The following STAM2 variants were observed in gnomAD, a reference collection of about 807,000 sequenced individuals.
The protein encoded by STAM2 is signal transducing adapter molecule 2.
Under a neutral mutation model 65.6 loss-of-function variants are expected in STAM2, and 51 were observed. That is an observed-to-expected ratio of 0.78 (90% CI 0.62 to 0.98). STAM2 has a LOEUF of 0.98. Among genes scored for constraint, STAM2 ranks in the 50% least tolerant of loss-of-function variants. STAM2 has a pLI of 0.00. For missense variants in STAM2, 584 were observed against 617.8 expected, an observed-to-expected ratio of 0.95 and a Z score of 0.58; for synonymous variants, 198 against 208.4, an observed-to-expected ratio of 0.95 and a Z score of 0.43.
At chr2:152,152,216 C>T (rs935188255) in intron 1 of STAM2, among the ~76,000 whole-genome samples, 5 of 151,806 alleles carry the variant, frequency 3.3e-5, no homozygotes, top group African/African-American at 1.2e-4. Flanking sequence ...GCTGAGATTA[C>T]TAGTTTGAGC....
intron 1 of STAM2, among the ~76,000 whole-genome samples, chr2:152,174,110 G>C (rs185299672): frequency 2.6e-5 from 4 of 152,170 alleles, no homozygotes; most frequent in Non-Finnish European, 5.9e-5. Context: ...GAACAGAACA[G>C]ACAGAGCAAC....
intron 1 of STAM2, among the ~76,000 whole-genome samples, chr2:152,161,790 T>C (rs752364427): frequency 6.6e-6 from 1 of 152,166 alleles, no homozygotes; most frequent in Admixed American, 6.5e-5. Flanking sequence ...GCAATACACA[T>C]AGTTCTTAAA....
intron 1 of STAM2, among the ~76,000 whole-genome samples, chr2:152,158,303 C>G (rs1004737854): frequency 6.6e-6 from 1 of 151,960 alleles, no homozygotes; most frequent in African/African-American, 2.4e-5. Context: ...GGTGAAGCCC[C>G]GTTTCCACTA....
intron 1 of STAM2, among the ~76,000 whole-genome samples, chr2:152,172,573 GA>G: frequency 6.6e-6 from 1 of 152,204 alleles, no homozygotes; most frequent in East Asian, 1.9e-4. Flanking sequence ...TGCTATCAGA[GA>G]AGGGGGGGAG....
intron 1 of STAM2, among the ~76,000 whole-genome samples, chr2:152,164,871 A>G (rs1163936246): frequency 6.6e-6 from 1 of 152,140 alleles, no homozygotes; most frequent in African/African-American, 2.4e-5. Context: ...ATTTTAAACC[A>G]TCTATTAAAA....
intron 11 of STAM2, among the ~76,000 whole-genome samples, chr2:152,128,154 TC>T (rs1223233265): frequency 1.3e-5 from 2 of 152,184 alleles, no homozygotes; most frequent in East Asian, 3.8e-4. Context: ...ATGCCTGTAA[TC>T]CCAGCACTTT....
chr2:152,144,804 T>C (rs566457367), intron 6 of STAM2, 84 bp downstream of exon 6: 590 of 1,161,066 alleles, frequency 5.1e-4, no homozygotes, highest in Non-Finnish European at 6.5e-4. Flanking sequence ...CCCAAAGTGC[T>C]GGGATTACAG....
intron 6 of STAM2, 90 bp from the exon 7 acceptor site, chr2:152,144,103 T>A: frequency 9.2e-7 from 1 of 1,086,010 alleles, no homozygotes; most frequent in Non-Finnish European, 1.3e-6. Context: ...TAAGAATAAA[T>A]CAAGCATTTT....
intron 9 of STAM2, 37 bp from the exon 10 acceptor site, chr2:152,133,297 A>C (rs1158158959): frequency 9.0e-6 from 14 of 1,560,216 alleles, no homozygotes; most frequent in Non-Finnish European, 1.1e-5. Flanking sequence ...AAAACTCAAG[A>C]GTTTTAACTT....
chr2:152,157,406 ATTG>A (rs1689574212), intron 1 of STAM2, among the ~76,000 whole-genome samples: 3 of 152,180 alleles, frequency 2.0e-5, no homozygotes, highest in African/African-American at 4.8e-5. Context: ...TAAGGAAGTA[ATTG>A]TTGTTAAATG....
At position 152,118,088 on chromosome 2, in the gene STAM2, C is replaced by T. The variant is rs1035166637; in HGVS notation, c.*2486G>A. 6.6e-6 allele frequency: 1 copy of T among 152,038 alleles called. No individual in the cohort carries two copies. The highest frequency in any genetic ancestry group is 2.4e-5 in the African/African-American group (1 of 41,444). 9.4% of individuals were successfully genotyped at this position (152,038 alleles called of 1,614,324 possible). On this transcript the variant is annotated 3_prime_UTR_variant, in exon 14 of 14. Coordinates refer to ENST00000263904, the MANE Select transcript of STAM2 (RefSeq NM_005843.6). ...ATTCTATTATAAATTTTCAGGAATT[C>T]TTTCTGATGTACCAAGATTTCATAT...
chr2:152,118,287 C>T lies in STAM2; in HGVS notation c.*2287G>A, dbSNP rs1474630669. The T allele has an allele frequency of 6.6e-6, 1 of 151,886 alleles. No individual in the cohort carries two copies. Among genetic ancestry groups the T allele is most frequent in the African/African-American group, 2.4e-5 (1 of 41,382 alleles). 9.4% of individuals were successfully genotyped at this position (151,886 alleles called of 1,614,324 possible). On this transcript the variant is annotated 3_prime_UTR_variant, in exon 14 of 14. Coordinates refer to ENST00000263904, the MANE Select transcript of STAM2 (RefSeq NM_005843.6). ...AAGTACACAACCCTGTGTTTCTTAA[C>T]ACCGAAAGAATCATCAGTACACAGA... is the stretch of plus-strand genomic sequence containing the variant.
At chr2:152,173,406 A>ATATATATGTATACATATATATATATT (rs1560227709) in intron 1 of STAM2, among the ~76,000 whole-genome samples, 10 of 145,230 alleles carry the variant, frequency 6.9e-5, no homozygotes, top group African/African-American at 2.5e-4. Flanking sequence ...ATATATATAT[A>ATATATATGTATACATATATATATATT]TTTTTTTTCG....
intron 11 of STAM2, among the ~76,000 whole-genome samples, chr2:152,130,015 C>T (rs371587194): frequency 1.3e-5 from 2 of 152,276 alleles, no homozygotes; most frequent in East Asian, 1.9e-4. Context: ...TTATATTCTC[C>T]TTCTTATTTT....
intron 1 of STAM2, among the ~76,000 whole-genome samples, chr2:152,171,917 G>C (rs1412810641): frequency 6.6e-6 from 1 of 152,222 alleles, no homozygotes; most frequent in Non-Finnish European, 1.5e-5. Context: ...ACAAGAACCG[G>C]AGTTAAGGCT....
intron 7 of STAM2, 22 bp downstream of exon 7, chr2:152,143,804 TC>T: frequency 6.3e-7 from 1 of 1,584,220 alleles, no homozygotes; most frequent in Non-Finnish European, 8.6e-7. Context: ...CTTTAAACCT[TC>T]CCATAAAGAT....
chr2:152,162,303 G>C (rs557272009), intron 1 of STAM2, among the ~76,000 whole-genome samples: 1 of 152,294 alleles, frequency 6.6e-6, no homozygotes, highest in African/African-American at 2.4e-5. Context: ...TGGGCCCGGT[G>C]GCTCACAGCT....
rs58778946 is a variant in STAM2 at position 152,120,395 on chromosome 2, GAAA to G, written c.*176_*178del. 5,238 of 300,808 alleles carry G rather than the reference GAAA, an allele frequency of 0.017. No individual in the cohort carries two copies. The highest frequency in any genetic ancestry group is 0.05 in the East Asian group (980 of 19,738). 18.6% of individuals were successfully genotyped at this position (300,808 alleles called of 1,614,324 possible). A position where few individuals can be genotyped will look rare whatever the true frequency, so the allele number is the denominator to read the frequency against. On this transcript the variant is annotated 3_prime_UTR_variant, in exon 14 of 14. Coordinates refer to ENST00000263904, the MANE Select transcript of STAM2 (RefSeq NM_005843.6). ...AGATTGACTTCAAACAAACTGGACT[GAAA>G]AAAAAAAAAAAAAAAAACCTTTTAT...
In STAM2 at chr2:152,126,260, T is replaced by C. The variant is rs1579311049; in HGVS notation, c.1145A>G (p.His382Arg). The C allele has an allele frequency of 6.2e-7, 1 of 1,607,344 alleles. No individual in the cohort carries two copies. Among genetic ancestry groups the C allele is most frequent in the Admixed American group, 1.7e-5 (1 of 59,076 alleles). ...SVYSKLHPPA[H>R]YPPASSGVPM... ...AACCCCAGATGATGCAGGTGGGTAATGTGCTGGAGGGTGGAGCTTTGAATA... is the reference window on the plus strand; with the variant it reads ...AACCCCAGATGATGCAGGTGGGTAACGTGCTGGAGGGTGGAGCTTTGAATA... Residue 382 changes from histidine (H) to arginine (R), a missense_variant, in exon 12 of 14, where the codon CAT becomes CGT. His to Arg is a conservative substitution (Grantham distance 29, BLOSUM62 0). Coordinates refer to ENST00000263904, the MANE Select transcript of STAM2 (RefSeq NM_005843.6).
Sources: allele counts gnomAD v4.1 joint callset (sites outside exome capture counted in the v4.1 genomes callset), GRCh38; gene constraint gnomAD v4.1.1; transcripts MANE v1.5; gene names NCBI Gene and HGNC (gene_info 2026-07-23, HGNC 2026-07-21).